Variants in C8orf34 observed in about 807,000 individuals in gnomAD.
C8orf34 encodes chromosome 8 open reading frame 34, also known as uncharacterized protein C8orf34.
Under a neutral mutation model 68.3 loss-of-function variants are expected in C8orf34, and 65 were observed. The ratio of observed to expected loss-of-function variants is 0.95; its 90% confidence interval spans 0.78 to 1.17. The LOEUF (loss-of-function observed/expected upper bound fraction) is 1.17, where lower values mean the gene tolerates loss of function less well. C8orf34 is among the 50% of genes most tolerant of loss of function. The pLI is 0.00. For synonymous variants in C8orf34, 244 were observed against 241.2 expected, an observed-to-expected ratio of 1.01 and a Z score of -0.11; for missense variants, 664 against 655.4, an observed-to-expected ratio of 1.01 and a Z score of -0.14.
At chr8:68,806,010 G>A (rs1184872237) in intron 12 of C8orf34, among the ~76,000 whole-genome samples, 3 of 151,062 alleles carry the variant, frequency 2.0e-5, no homozygotes, top group African/African-American at 7.3e-5. Context: ...AGATTCTTTC[G>A]ATAGTTGTTC....
intron 9 of C8orf34, among the ~76,000 whole-genome samples, chr8:68,712,191 A>G (rs772245323): frequency 6.6e-6 from 1 of 152,198 alleles, no homozygotes; most frequent in Non-Finnish European, 1.5e-5. Context: ...AAGGAACTCT[A>G]AGTCCTGAAA....
At chr8:68,579,124 A>AT (rs952349064) in intron 7 of C8orf34, among the ~76,000 whole-genome samples, 2 of 151,162 alleles carry the variant, frequency 1.3e-5, no homozygotes, top group African/African-American at 4.9e-5. Context: ...AGTTTTGAAA[A>AT]TTTTTTTTTA....
intron 12 of C8orf34, among the ~76,000 whole-genome samples, chr8:68,795,722 G>C (rs1824160428): frequency 6.6e-6 from 1 of 152,190 alleles, no homozygotes; most frequent in Non-Finnish European, 1.5e-5. Context: ...GCCTTATGTA[G>C]AGCTTTATGG....
At chr8:68,676,162 C>A (rs912704616) in intron 8 of C8orf34, among the ~76,000 whole-genome samples, 5 of 152,008 alleles carry the variant, frequency 3.3e-5, no homozygotes, top group Non-Finnish European at 7.4e-5. Context: ...GGTGAAACCC[C>A]ATCTCTACAA....
At chr8:68,664,101 A>G (rs1819766787) in intron 8 of C8orf34, among the ~76,000 whole-genome samples, 2 of 152,160 alleles carry the variant, frequency 1.3e-5, no homozygotes, top group South Asian at 4.1e-4. Context: ...ATGAGCACAG[A>G]CATTTGGGTG....
chr8:68,796,485 A>T (rs1223541881), intron 12 of C8orf34, among the ~76,000 whole-genome samples: 1 of 143,374 alleles, frequency 7.0e-6, no homozygotes, highest in African/African-American at 2.7e-5. Context: ...CCCTAGTTTC[A>T]TGAGAAGCTA....
At chr8:68,404,449 C>T (rs553696247) in intron 1 of C8orf34, among the ~76,000 whole-genome samples, 18 of 152,110 alleles carry the variant, frequency 1.2e-4, no homozygotes, top group Non-Finnish European at 2.5e-4. Flanking sequence ...AGTCCTTGCC[C>T]ATGCCTATGT....
chr8:68,399,848 A>G (rs1808872297), intron 1 of C8orf34, among the ~76,000 whole-genome samples: 1 of 152,126 alleles, frequency 6.6e-6, no homozygotes, highest in South Asian at 2.1e-4. Context: ...TTCATTTAAT[A>G]ACCATTCTGA....
intron 7 of C8orf34, among the ~76,000 whole-genome samples, chr8:68,620,595 A>C (rs1818358469): frequency 6.6e-6 from 1 of 152,180 alleles, no homozygotes. Flanking sequence ...CAAGAAGGAA[A>C]AATGAAACTT....
intron 6 of C8orf34, among the ~76,000 whole-genome samples, chr8:68,532,762 C>T (rs901576994): frequency 5.9e-5 from 9 of 152,112 alleles, no homozygotes; most frequent in African/African-American, 2.2e-4. Flanking sequence ...TAAATTAGCA[C>T]CTTCCCTCTT....
intron 8 of C8orf34, among the ~76,000 whole-genome samples, chr8:68,671,510 G>C (rs931539072): frequency 6.6e-6 from 1 of 152,132 alleles, no homozygotes; most frequent in South Asian, 2.1e-4. Flanking sequence ...TGTCTCAATA[G>C]TTCTAATGGA....
At chr8:68,488,757 C>A (rs1421740653) in intron 5 of C8orf34, among the ~76,000 whole-genome samples, 2 of 151,976 alleles carry the variant, frequency 1.3e-5, no homozygotes, top group Admixed American at 1.3e-4. Context: ...TTTTGAATTG[C>A]CTATTAAACA....
In C8orf34 at chr8:68,473,570, C is replaced by G. The variant is rs574265930; in HGVS notation, c.736+4750C>G. 1.2e-3 allele frequency among the ~76,000 whole-genome samples: 185 copies of G among 152,262 alleles called. 6 individuals are homozygous for G. Among genetic ancestry groups the G allele is most frequent in the South Asian group, 3.1e-3 (15 of 4,822 alleles). ...CTTCCAGGTTGCTTGTCTATGTCTG[C>G]AACTCGATTTTACAGTCTGCTCTTT... is the stretch of plus-strand genomic sequence containing the variant. On this transcript the variant is annotated intron_variant, in intron 4 of 13. Coordinates refer to ENST00000518698, the MANE Select transcript of C8orf34 (RefSeq NM_052958.4).
At chr8:68,467,346 A>T (rs1812192460) in intron 3 of C8orf34, among the ~76,000 whole-genome samples, 1 of 152,016 alleles carries the variant, frequency 6.6e-6, no homozygotes, top group East Asian at 1.9e-4. Flanking sequence ...TTTACTATGT[A>T]CCCATCACTA....
chr8:68,401,006 G>A (rs965430638), intron 1 of C8orf34, among the ~76,000 whole-genome samples: 1 of 152,040 alleles, frequency 6.6e-6, no homozygotes, highest in African/African-American at 2.4e-5. Context: ...TTTGGTCCAT[G>A]AGCATAGGTT....
At chr8:68,456,801 G>C (rs190158093) in intron 3 of C8orf34, among the ~76,000 whole-genome samples, 4 of 152,312 alleles carry the variant, frequency 2.6e-5, no homozygotes, top group Non-Finnish European at 4.4e-5. Flanking sequence ...ACAAAGATCT[G>C]CAAGGTAGCG....
chr8:68,572,326 ATTAC>A (rs1156469105), intron 7 of C8orf34, among the ~76,000 whole-genome samples: 2 of 151,968 alleles, frequency 1.3e-5, no homozygotes, highest in Non-Finnish European at 2.9e-5. Flanking sequence ...CTTAAATGAA[ATTAC>A]TTGTCATTTT....
intron 4 of C8orf34, among the ~76,000 whole-genome samples, chr8:68,485,772 AAG>A (rs1402066463): frequency 1.2e-3 from 189 of 151,500 alleles, no homozygotes; most frequent in African/African-American, 4.1e-3. Context: ...TCAAGAGGTT[AAG>A]AGAGTTTAAA....
chr8:68,585,362 G>C (rs1817179185), intron 7 of C8orf34, among the ~76,000 whole-genome samples: 1 of 152,116 alleles, frequency 6.6e-6, no homozygotes, highest in Non-Finnish European at 1.5e-5. Flanking sequence ...TTACAAATTA[G>C]TTTGGTGAAG....
Sources: gnomAD v4.1 joint callset for allele counts (sites outside exome capture counted in the v4.1 genomes callset) on GRCh38, gnomAD v4.1.1 for gene constraint, MANE v1.5 for transcripts, NCBI Gene and HGNC (gene_info 2026-07-23, HGNC 2026-07-21) for gene names.